PDZD2: variants seen among roughly 807,000 people sequenced by gnomAD.
PDZD2 encodes the protein PDZ domain containing 2.
In PDZD2, 90 loss-of-function variants were observed where a neutral mutation model predicts 220.7. The observed-to-expected ratio is 0.41, with a 90% confidence interval of 0.34 to 0.49. The LOEUF is 0.49. Ranked by LOEUF, PDZD2 falls within the 20% of genes least tolerant of loss-of-function variation. PDZD2 has a pLI of 0.28. For missense variants in PDZD2, 3,174 were observed against 3,608.5 expected, an observed-to-expected ratio of 0.88 and a Z score of 3.08; for synonymous variants, 1,375 against 1,450.5, an observed-to-expected ratio of 0.95 and a Z score of 1.18.
chr5:31,715,763 T>G (rs1748408559), intron 1 of PDZD2, among the ~76,000 whole-genome samples: 1 of 152,246 alleles, frequency 6.6e-6, no homozygotes, highest in Admixed American at 6.5e-5. Flanking sequence ...CCACATGCTT[T>G]GTGTACCCAC....
intron 1 of PDZD2, among the ~76,000 whole-genome samples, chr5:31,709,753 C>T (rs1352575147): frequency 6.6e-6 from 1 of 152,166 alleles, no homozygotes; most frequent in African/African-American, 2.4e-5. Flanking sequence ...GCCAGGAGTT[C>T]AAGACCAACC....
rs1743978679 is a variant in PDZD2 at position 32,098,838 on chromosome 5, C to G, written c.8218+204C>G. 6.6e-6 allele frequency among the ~76,000 whole-genome samples: 1 copy of G among 152,154 alleles called. No homozygotes were observed. The highest frequency in any genetic ancestry group is 2.4e-5 in the African/African-American group (1 of 41,426). On this transcript the variant is annotated intron_variant, in intron 23 of 24. Coordinates refer to ENST00000438447, the MANE Select transcript of PDZD2 (RefSeq NM_178140.4). This position sits in a 1 kb window ranked among gnomAD's most constrained non-coding sequence, Gnocchi z 4.1. The stretch of plus-strand genomic sequence containing the variant: ...AAATTAGAAAATTAGAAAAATCCCC[C>G]CAGTAGTTCAAGCTGTACTGTGGAA...
At chr5:31,880,783 T>TTTTTTTTC (rs765667404) in intron 2 of PDZD2, among the ~76,000 whole-genome samples, 28,377 of 103,528 alleles carry the variant, frequency 0.27, 4,442 homozygotes, top group South Asian at 0.38. Flanking sequence ...TAGCTTTCTT[T>TTTTTTTTC]TTTTTTTCTT....
At chr5:31,749,493 A>G (rs1580680623) in intron 1 of PDZD2, among the ~76,000 whole-genome samples, 1 of 149,564 alleles carries the variant, frequency 6.7e-6, no homozygotes, top group South Asian at 2.1e-4. Flanking sequence ...GCATGATCTC[A>G]GCTCACTGCA....
rs536127703 is a variant in PDZD2 at position 31,733,401 on chromosome 5, C to T, written c.-360-65488C>T. The stretch of plus-strand genomic sequence containing the variant: ...TCGTTTCTGTCTTTCTGGCATCTTT[C>T]CCCCGTTCTCTTGCTTTGGAGCTCA... On this transcript the variant is annotated intron_variant, in intron 1 of 24. Transcript: ENST00000438447. 3.9e-5 allele frequency among the ~76,000 whole-genome samples: 6 copies of T among 152,274 alleles called. No homozygotes were observed. The South Asian group carries it at 1.2e-3, about 32-fold the overall frequency.
At chr5:31,945,586 G>A (rs1476216321) in intron 2 of PDZD2, among the ~76,000 whole-genome samples, 1 of 152,032 alleles carries the variant, frequency 6.6e-6, no homozygotes, top group Non-Finnish European at 1.5e-5. Flanking sequence ...CTGTCTTTGG[G>A]TTTGGCTTTA....
intron 2 of PDZD2, among the ~76,000 whole-genome samples, chr5:31,879,374 G>A (rs538900760): frequency 6.9e-6 from 1 of 144,234 alleles, no homozygotes; most frequent in South Asian, 2.3e-4. Context: ...GCGACAGAGC[G>A]AGACTCTGTC....
chr5:32,096,742 G>A (rs1297400193), intron 21 of PDZD2, among the ~76,000 whole-genome samples: 1 of 151,496 alleles, frequency 6.6e-6, no homozygotes, highest in African/African-American at 2.4e-5. Flanking sequence ...TTATCTTTCT[G>A]CTGTTGCTAG....
At chr5:32,002,981 A>C (rs562852042) in intron 5 of PDZD2, among the ~76,000 whole-genome samples, 78 of 122,934 alleles carry the variant, frequency 6.3e-4, no homozygotes, top group African/African-American at 2.3e-3. Flanking sequence ...CACACACACC[A>C]CACACACCCC....
At chr5:31,765,601 G>A (rs1394125184) in intron 1 of PDZD2, among the ~76,000 whole-genome samples, 1 of 152,156 alleles carries the variant, frequency 6.6e-6, no homozygotes, top group Non-Finnish European at 1.5e-5. Context: ...TGTAGCCTGA[G>A]CTGAAAAGCA....
intron 2 of PDZD2, among the ~76,000 whole-genome samples, chr5:31,809,747 C>G (rs757223225): frequency 6.6e-6 from 1 of 152,208 alleles, no homozygotes; most frequent in Non-Finnish European, 1.5e-5. Flanking sequence ...GCCACATGCA[C>G]AGCTGCTTTT....
At chr5:31,751,016 G>C (rs1750929484) in intron 1 of PDZD2, among the ~76,000 whole-genome samples, 1 of 152,156 alleles carries the variant, frequency 6.6e-6, no homozygotes, top group African/African-American at 2.4e-5. Context: ...GCCAAGGCAG[G>C]TGGATCACCT....
intron 2 of PDZD2, among the ~76,000 whole-genome samples, chr5:31,883,554 T>G (rs2150339227): frequency 6.6e-6 from 1 of 151,960 alleles, no homozygotes; most frequent in Non-Finnish European, 1.5e-5. Flanking sequence ...GAAAAGTACA[T>G]GAATCAGATG....
chr5:31,937,345 G>A (rs1055134347), intron 2 of PDZD2, among the ~76,000 whole-genome samples: 6 of 152,170 alleles, frequency 3.9e-5, no homozygotes, highest in Non-Finnish European at 7.3e-5. Flanking sequence ...GAACGTCAGA[G>A]GTAGGTGGAG....
intron 1 of PDZD2, among the ~76,000 whole-genome samples, chr5:31,692,297 G>A (rs1482530424): frequency 1.3e-5 from 2 of 152,218 alleles, no homozygotes; most frequent in Non-Finnish European, 2.9e-5. Flanking sequence ...CGGAACTTGC[G>A]CTGGCCCGCA....
Position 31,798,989 on chromosome 5 carries a change from A to T in PDZD2, c.-260A>T, listed in dbSNP as rs890319724. The T allele has an allele frequency of 1.0e-5, 5 of 492,262 alleles. No individual in the cohort carries two copies. The Admixed American group carries it at 1.7e-4, about 16-fold the overall frequency. 30.5% of individuals were successfully genotyped at this position (492,262 alleles called of 1,614,324 possible). A position where few individuals can be genotyped will look rare whatever the true frequency, so the allele number is the denominator to read the frequency against. Reference sequence around the variant, plus strand: ...CTGCTGTGAAATGAACCTGGCAGGGACTTGTTAGACACTTCCTTCCTTCCC... The same window carrying T: ...CTGCTGTGAAATGAACCTGGCAGGGTCTTGTTAGACACTTCCTTCCTTCCC... On this transcript the variant is annotated 5_prime_UTR_variant, in exon 2 of 25. Coordinates refer to ENST00000438447, the MANE Select transcript of PDZD2 (RefSeq NM_178140.4).
chr5:31,767,470 C>A (rs568932108), intron 1 of PDZD2, among the ~76,000 whole-genome samples: 11 of 152,338 alleles, frequency 7.2e-5, no homozygotes, highest in South Asian at 4.1e-4. Context: ...GCTCTTGGAA[C>A]TGTTTTTCAG....
intron 1 of PDZD2, among the ~76,000 whole-genome samples, chr5:31,699,792 G>GTTT (rs397780799): frequency 7.4e-6 from 1 of 134,268 alleles, no homozygotes; most frequent in African/African-American, 2.8e-5. Context: ...TTTTTTTTTT[G>GTTT]TTTTTTTTTT....
At chr5:31,783,441 C>T (rs772332300) in intron 1 of PDZD2, among the ~76,000 whole-genome samples, 18 of 152,154 alleles carry the variant, frequency 1.2e-4, no homozygotes, top group Non-Finnish European at 2.5e-4. Flanking sequence ...TTTTAATCAC[C>T]TCCTCAGGCG....
Sources: allele counts gnomAD v4.1 joint callset (sites outside exome capture counted in the v4.1 genomes callset), GRCh38; gene constraint gnomAD v4.1.1; non-coding constraint Gnocchi (gnomAD v3.1); transcripts MANE v1.5; gene names NCBI Gene and HGNC (gene_info 2026-07-23, HGNC 2026-07-21).